Variants in KCNIP4 observed in about 807,000 individuals in gnomAD.
KCNIP4 encodes Kv channel-interacting protein 4.
KCNIP4 carries 12 observed loss-of-function variants against 34.0 expected under a neutral mutation model. That is an observed-to-expected ratio of 0.35 (90% confidence interval 0.23 to 0.57). The LOEUF (loss-of-function observed/expected upper bound fraction) is 0.57, where lower values mean the gene tolerates loss of function less well. Ranked by LOEUF, KCNIP4 falls within the 20% of genes least tolerant of loss-of-function variation. The pLI is 0.83. For missense variants in KCNIP4, 238 were observed against 311.7 expected (o/e 0.76, Z 1.78); for synonymous variants, 124 against 102.2 (o/e 1.21, Z -1.29).
chr4:21,552,333 A>G (rs1488842769), intron 1 of KCNIP4, among the ~76,000 whole-genome samples: 1 of 152,166 alleles, frequency 6.6e-6, no homozygotes, highest in Non-Finnish European at 1.5e-5. Flanking sequence ...ACTGGATACA[A>G]TAGAAATACA....
intron 8 of KCNIP4, chr4:20,731,800 A>G (rs1560403472): frequency 1.0e-6 from 1 of 985,416 alleles, no homozygotes; most frequent in Non-Finnish European, 1.2e-6. Context: ...GGTTTCCTCC[A>G]TAGCCTGACT....
At chr4:21,078,030 G>T (rs531609493) in intron 1 of KCNIP4, among the ~76,000 whole-genome samples, 177 of 152,136 alleles carry the variant, frequency 1.2e-3, no homozygotes, top group Non-Finnish European at 1.9e-3. Context: ...GGTGGCTTGG[G>T]CACATTTATA....
intron 1 of KCNIP4, among the ~76,000 whole-genome samples, chr4:21,230,273 T>C (rs1758696851): frequency 6.6e-6 from 1 of 152,078 alleles, no homozygotes; most frequent in Non-Finnish European, 1.5e-5. Flanking sequence ...TAGAGTTCAT[T>C]CCCCTGCTTG....
rs548417647 is a variant in KCNIP4, at chr4:20,993,406, C to T, written c.62-110697G>A. 1.1e-3 allele frequency among the ~76,000 whole-genome samples: 165 copies of T among 152,316 alleles called. 1 individual carries two copies. Among genetic ancestry groups the T allele is most frequent in the African/African-American group, 3.9e-3 (163 of 41,568 alleles). Reference sequence around the variant, plus strand: ...TACTGTTCATGAATGCAAACTCTTGCTAGTGCTCCCTAAATCAGAAGCATC... The same window carrying T: ...TACTGTTCATGAATGCAAACTCTTGTTAGTGCTCCCTAAATCAGAAGCATC... On this transcript the variant is annotated intron_variant, in intron 1 of 8. Coordinates refer to ENST00000382152, the MANE Select transcript of KCNIP4 (RefSeq NM_025221.6).
chr4:21,257,469 G>T (rs1034798570), intron 1 of KCNIP4, among the ~76,000 whole-genome samples: 1 of 151,878 alleles, frequency 6.6e-6, no homozygotes, highest in Admixed American at 6.6e-5. Flanking sequence ...TCTAGGCTGC[G>T]GGGCGTGGTG....
At chr4:20,933,139 G>A (rs1294311897) in intron 1 of KCNIP4, among the ~76,000 whole-genome samples, 3 of 152,036 alleles carry the variant, frequency 2.0e-5, no homozygotes, top group Admixed American at 6.6e-5. Flanking sequence ...TAGCTACTTC[G>A]AGGCTGAGAC....
At chr4:21,382,725 A>C (rs1434895741) in intron 1 of KCNIP4, among the ~76,000 whole-genome samples, 2 of 152,224 alleles carry the variant, frequency 1.3e-5, no homozygotes, top group African/African-American at 4.8e-5. Context: ...AGCTGAACCC[A>C]TGGCTCAAAT....
At chr4:21,690,996 A>G (rs1711570975) in intron 1 of KCNIP4, among the ~76,000 whole-genome samples, 1 of 152,236 alleles carries the variant, frequency 6.6e-6, no homozygotes, top group African/African-American at 2.4e-5. Flanking sequence ...GTAGAATGAT[A>G]GGAACCTCTG....
chr4:21,227,028 A>C (rs1239324321), intron 1 of KCNIP4, among the ~76,000 whole-genome samples: 1 of 152,180 alleles, frequency 6.6e-6, no homozygotes, highest in Non-Finnish European at 1.5e-5. Flanking sequence ...TGCTTAGAAA[A>C]AGCTCAGGGC....
chr4:21,002,427 C>A (rs752393578), intron 1 of KCNIP4, among the ~76,000 whole-genome samples: 10 of 152,188 alleles, frequency 6.6e-5, no homozygotes, highest in South Asian at 2.1e-4. Flanking sequence ...GCAGAATACT[C>A]GTACTCCATT....
Position 21,781,297 on chromosome 4 carries a change from C to T in KCNIP4, c.61+167274G>A, listed in dbSNP as rs374163649. Among the ~76,000 whole-genome samples, 7 of 152,226 alleles carry T rather than the reference C, an allele frequency of 4.6e-5. No homozygotes were observed. In the East Asian group the frequency reaches 1.4e-3, roughly 29 times the overall value. On this transcript the variant is annotated intron_variant, in intron 1 of 8. Coordinates refer to ENST00000382152, the MANE Select transcript of KCNIP4 (RefSeq NM_025221.6). ...GTCCTTGTTTCCCTTTCACCTTCTG[C>T]CATAATTTAAGTTTCCTGAGGCCTC...
Position 21,763,115 on chromosome 4 carries a change from T to A in KCNIP4, c.61+185456A>T. The stretch of plus-strand genomic sequence containing the variant: ...ATGCATTCCTAACAACGAGCACAGG[T>A]TCACCAGACAATAATTCCTTCACTG... On this transcript the variant is annotated intron_variant, in intron 1 of 8. Coordinates refer to ENST00000382152, the MANE Select transcript of KCNIP4 (RefSeq NM_025221.6). 3 of 1,286,994 alleles carry A rather than the reference T, an allele frequency of 2.3e-6. No homozygotes were observed. The South Asian group carries it at 3.7e-5, about 16-fold the overall frequency. The allele number at this position is 1,286,994 out of a possible 1,614,324, so 79.7% of individuals were successfully genotyped here.
intron 1 of KCNIP4, among the ~76,000 whole-genome samples, chr4:21,366,060 T>G (rs991120485): frequency 2.0e-5 from 3 of 152,194 alleles, no homozygotes; most frequent in African/African-American, 7.2e-5. Context: ...TGTTTTGATA[T>G]AAGCATTAGA....
intron 1 of KCNIP4, among the ~76,000 whole-genome samples, chr4:21,570,385 G>C (rs1253662579): frequency 6.6e-6 from 1 of 152,104 alleles, no homozygotes. Context: ...GGACAGTTTG[G>C]TCAATAATGG....
At chr4:21,275,772 T>C (rs1376730300) in intron 1 of KCNIP4, among the ~76,000 whole-genome samples, 1 of 152,180 alleles carries the variant, frequency 6.6e-6, no homozygotes, top group East Asian at 1.9e-4. Context: ...AGCATTTTTG[T>C]ATGAACGTTG....
intron 1 of KCNIP4, among the ~76,000 whole-genome samples, chr4:21,012,525 C>A (rs750002925): frequency 4.6e-5 from 7 of 152,180 alleles, no homozygotes; most frequent in Non-Finnish European, 8.8e-5. Context: ...AGTGATCATG[C>A]CACTGCACTC....
At chr4:21,399,189 G>T (rs562776725) in intron 1 of KCNIP4, among the ~76,000 whole-genome samples, 1 of 152,354 alleles carries the variant, frequency 6.6e-6, no homozygotes, top group Admixed American at 6.5e-5. Flanking sequence ...GAGGCATGTG[G>T]CTCAGAAGTC....
chr4:20,824,206 CTGTG>C (rs557042865), intron 3 of KCNIP4, among the ~76,000 whole-genome samples: 5 of 152,010 alleles, frequency 3.3e-5, no homozygotes, highest in African/African-American at 4.8e-5. Flanking sequence ...GCATTTGTGT[CTGTG>C]TGTGTGTATG....
intron 1 of KCNIP4, among the ~76,000 whole-genome samples, chr4:20,988,447 A>G (rs1323143950): frequency 2.0e-5 from 3 of 152,216 alleles, no homozygotes; most frequent in Non-Finnish European, 4.4e-5. Flanking sequence ...TGATTTATCT[A>G]AAACCTGAAA....
Sources: gnomAD v4.1 joint callset for allele counts (sites outside exome capture counted in the v4.1 genomes callset) on GRCh38, gnomAD v4.1.1 for gene constraint, MANE v1.5 for transcripts, NCBI Gene and HGNC (gene_info 2026-07-23, HGNC 2026-07-21) for gene names.